CPAMD8: variants seen among roughly 807,000 people sequenced by gnomAD.
CPAMD8 encodes C3 and PZP like alpha-2-macroglobulin domain containing 8.
A neutral mutation model predicts 224.7 loss-of-function variants in CPAMD8; 146 were observed. That is an observed-to-expected ratio of 0.65 (90% CI 0.57 to 0.75). The LOEUF is 0.75. Among genes scored for constraint, CPAMD8 ranks in the 30% least tolerant of loss-of-function variants. The probability of loss-of-function intolerance (pLI) is 0.00; values close to 1 mark genes in which losing one functional copy is unlikely to be tolerated. For synonymous variants in CPAMD8, 966 were observed against 1,044.6 expected (o/e 0.92, Z 1.45); for missense variants, 2,301 against 2,537.5 (o/e 0.91, Z 2.00).
intron 15 of CPAMD8, among the ~76,000 whole-genome samples, chr19:16,976,436 G>T (rs1233535083): frequency 6.6e-6 from 1 of 151,808 alleles, no homozygotes; most frequent in East Asian, 1.9e-4. Flanking sequence ...AGAGAGTGTG[G>T]TTGCACCCCA....
intron 27 of CPAMD8, among the ~76,000 whole-genome samples, chr19:16,917,850 A>C (rs2053019568): frequency 6.6e-6 from 1 of 152,140 alleles, no homozygotes; most frequent in South Asian, 2.1e-4. Context: ...ATTTTGGAAT[A>C]TTTGCATTTA....
At chr19:17,012,403 A>G (rs1325465770) in intron 3 of CPAMD8, among the ~76,000 whole-genome samples, 1 of 144,180 alleles carries the variant, frequency 6.9e-6, no homozygotes, top group Non-Finnish European at 1.5e-5. Context: ...GCTGGAGTGC[A>G]GTGGTGCAAT....
intron 23 of CPAMD8, among the ~76,000 whole-genome samples, chr19:16,937,254 C>T (rs540620265): frequency 6.6e-6 from 1 of 152,090 alleles, no homozygotes; most frequent in Non-Finnish European, 1.5e-5. Flanking sequence ...CCCACCTCCA[C>T]CTCCCAAGTA....
At chr19:16,964,025 G>C (rs2054740482) in intron 18 of CPAMD8, among the ~76,000 whole-genome samples, 1 of 152,168 alleles carries the variant, frequency 6.6e-6, no homozygotes. Context: ...GAATCTCTGG[G>C]ACACATTTAA....
At chr19:16,979,465 T>TCATCCAC (rs2055423182) in intron 14 of CPAMD8, among the ~76,000 whole-genome samples, 4 of 150,454 alleles carry the variant, frequency 2.7e-5, no homozygotes, top group African/African-American at 9.8e-5. Context: ...CATCCATCTG[T>TCATCCAC]CCATTCATCC....
chr19:16,976,542 C>T (rs1004132082), intron 15 of CPAMD8, among the ~76,000 whole-genome samples: 3 of 152,002 alleles, frequency 2.0e-5, no homozygotes, highest in South Asian at 2.1e-4. Context: ...TCTCTTCTGC[C>T]CCACCCATGC....
intron 1 of CPAMD8, among the ~76,000 whole-genome samples, chr19:17,025,029 C>A (rs2057042409): frequency 6.6e-6 from 1 of 152,238 alleles, no homozygotes; most frequent in Admixed American, 6.5e-5. Flanking sequence ...CAGTGTGTCT[C>A]TCAGCACAGG....
chr19:16,990,863 C>CAAAAAAAAAAA (rs3067791), intron 12 of CPAMD8, among the ~76,000 whole-genome samples: 1,098 of 73,032 alleles, frequency 0.015, 72 homozygotes, highest in Middle Eastern at 0.038. Flanking sequence ...AACTCTGTCT[C>CAAAAAAAAAAA]AAAAAAAAAA....
chr19:16,902,780 C>A lies in CPAMD8; in HGVS notation c.4554G>T (p.Gln1518His). 6.3e-7 allele frequency: 1 copy of A among 1,590,986 alleles called. No individual in the cohort carries two copies. Among genetic ancestry groups the A allele is most frequent in the Non-Finnish European group, 8.6e-7 (1 of 1,164,782 alleles). Residue 1518 changes from glutamine (Q) to histidine (H), a missense_variant, in exon 35 of 42, where the codon CAG (glutamine) becomes CAT (histidine). By Grantham distance (24) the Gln-to-His change is conservative (BLOSUM62 0). Coordinates refer to ENST00000443236, the MANE Select transcript of CPAMD8 (RefSeq NM_015692.5). Reference sequence around the variant, plus strand: ...AGGCAGGCATGGGGGGCGGGCGTCCCTGGGCCTCAGGCTCCTGGAGGCTTA... The same window carrying A: ...AGGCAGGCATGGGGGGCGGGCGTCCATGGGCCTCAGGCTCCTGGAGGCTTA... ...LLVSLQEPEA[Q>H]GRPPPMPASA...
intron 41 of CPAMD8, chr19:16,894,761 G>A (rs2068972700): frequency 3.7e-6 from 1 of 273,548 alleles, no homozygotes; most frequent in African/African-American, 2.2e-5. Context: ...CAAACTCCAG[G>A]CCGGGCACAG....
chr19:16,925,217 T>C lies in CPAMD8; in HGVS notation c.3526A>G (p.Thr1176Ala), dbSNP rs1309241578. Residue 1176 changes from threonine (T) to alanine (A), a missense_variant, in exon 26 of 42, where the codon ACC becomes GCC. Physicochemically the swap from Thr to Ala is moderately conservative, Grantham distance 58. Around this residue, in one of 4 missense-constraint regions of CPAMD8, gnomAD observed 1,709 missense variants for 1,753.2 expected, o/e 0.97. Transcript: ENST00000443236. ...QQLSPEVERETTDYLVQGYQR... is the reference protein window; with the variant it reads ...QQLSPEVEREATDYLVQGYQR... ...ATACCTTGTACTAGGTAGTCGGTGGTCTCTCTCTCCACCTCAGGGCTGAGC... is the reference window on the plus strand; with the variant it reads ...ATACCTTGTACTAGGTAGTCGGTGGCCTCTCTCTCCACCTCAGGGCTGAGC... 22 of 1,614,006 alleles carry C rather than the reference T, an allele frequency of 1.4e-5. No individual in the cohort carries two copies. The highest frequency in any genetic ancestry group is 1.8e-5 in the Non-Finnish European group (21 of 1,179,998).
At chr19:17,009,261 C>T (rs368392669) in intron 6 of CPAMD8, 42 bp downstream of exon 6, 30 of 1,613,696 alleles carry the variant, frequency 1.9e-5, no homozygotes, top group African/African-American at 4.0e-5. Context: ...GTGGGCTACC[C>T]GGGCCCCAAG....
At chr19:16,957,793 C>G in intron 19 of CPAMD8, 60 bp downstream of exon 19, 1 of 1,543,082 alleles carries the variant, frequency 6.5e-7, no homozygotes, top group Non-Finnish European at 9.0e-7. Context: ...CTCTCTGGAC[C>G]CGCATGAGTG....
At chr19:16,957,777 C>T (rs990492538) in intron 19 of CPAMD8, 76 bp downstream of exon 19, 21 of 1,409,120 alleles carry the variant, frequency 1.5e-5, no homozygotes, top group Admixed American at 8.7e-5. Context: ...CCCATCTCAC[C>T]GGAGGCTCTC....
intron 23 of CPAMD8, among the ~76,000 whole-genome samples, chr19:16,937,649 A>ACT (rs2053739189): frequency 9.8e-6 from 1 of 102,338 alleles, no homozygotes; most frequent in African/African-American, 4.2e-5. Context: ...CTAACTTCAT[A>ACT]CTTTTTTTTT....
At chr19:16,958,094 C>T (rs191632660) in intron 18 of CPAMD8, among the ~76,000 whole-genome samples, 179 bp from the exon 19 acceptor site, 4 of 146,994 alleles carry the variant, frequency 2.7e-5, no homozygotes, top group African/African-American at 1.1e-4. Context: ...GCAGGGTTAA[C>T]AGTCTACTTG....
In CPAMD8 at chr19:16,993,623, C is replaced by T. The variant is rs145646084; in HGVS notation, c.1096-37G>A. On this transcript the variant is annotated intron_variant, in intron 11 of 41. Transcript: ENST00000443236. ...CACCCAAGACACAACAGAGTTAAGACGGCCATGCTCCCCAAACTGATCTGC... is the reference window on the plus strand; with the variant it reads ...CACCCAAGACACAACAGAGTTAAGATGGCCATGCTCCCCAAACTGATCTGC... 4.2e-4 allele frequency: 665 copies of T among 1,594,752 alleles called. 5 individuals are homozygous for T. The African/African-American group carries it at 7.0e-3, about 17-fold the overall frequency.
chr19:16,933,733 C>G (rs760772065), intron 23 of CPAMD8, among the ~76,000 whole-genome samples: 7 of 152,104 alleles, frequency 4.6e-5, no homozygotes, highest in Non-Finnish European at 7.4e-5. Flanking sequence ...TCACATACTG[C>G]AGGTGGGAAT....
intron 18 of CPAMD8, among the ~76,000 whole-genome samples, chr19:16,964,102 C>T (rs111380576): frequency 7.2e-5 from 11 of 151,834 alleles, no homozygotes; most frequent in African/African-American, 2.2e-4. Context: ...GATCTAAAAT[C>T]GACACCCTAA....
Sources: gnomAD v4.1 joint callset for allele counts (sites outside exome capture counted in the v4.1 genomes callset) on GRCh38, gnomAD v4.1.1 for gene constraint, gnomAD v4.1.1 regional missense constraint, MANE v1.5 for transcripts, NCBI Gene and HGNC (gene_info 2026-07-23, HGNC 2026-07-21) for gene names.